PCAT7: variants seen among roughly 807,000 people sequenced by gnomAD.
PCAT7 encodes prostate cancer associated transcript 7 (non-protein coding).
chr9:94,571,240 A>G (rs967142257), intron 2 of PCAT7, among the ~76,000 whole-genome samples: 13 of 152,200 alleles, frequency 8.5e-5, no homozygotes, highest in Admixed American at 5.2e-4. Context: ...GAGTTGATGC[A>G]ACTGGCTCTG....
At chr9:94,559,616 TC>T (rs1827064365) in intron 2 of PCAT7, among the ~76,000 whole-genome samples, 1 of 152,072 alleles carries the variant, frequency 6.6e-6, no homozygotes, top group South Asian at 2.1e-4. Flanking sequence ...GTGGAGGAAC[TC>T]CACATCTTAA....
rs1342320471 is a variant in PCAT7 at position 94,564,752 on chromosome 9, A to C, written n.441+5600A>C. On this transcript the variant is annotated intron_variant and non_coding_transcript_variant, in intron 2 of 8. Coordinates refer to ENST00000647389, the Ensembl canonical transcript of PCAT7. Reference sequence around the variant, plus strand: ...GGGAGACAAACAATCTATACAGCAAACCCCCATGACAGGAGTTTACTTATA... The same window carrying C: ...GGGAGACAAACAATCTATACAGCAACCCCCCATGACAGGAGTTTACTTATA... 2.0e-5 allele frequency among the ~76,000 whole-genome samples: 3 copies of C among 152,002 alleles called. No individual in the cohort carries two copies. The East Asian group carries it at 5.8e-4, about 29-fold the overall frequency.
chr9:94,570,492 C>G (rs995976824), intron 2 of PCAT7: 5 of 152,076 alleles, frequency 3.3e-5, no homozygotes, highest in Admixed American at 1.3e-4. Context: ...TTTCATAGGA[C>G]AGGTACTTTA....
intron 2 of PCAT7, chr9:94,571,382 C>T: frequency 7.3e-7 from 1 of 1,376,120 alleles, no homozygotes; most frequent in Admixed American, 2.4e-5. Flanking sequence ...ATAACCAGGA[C>T]ATTATCGCAG....
chr9:94,571,407 G>C, intron 2 of PCAT7: 16 of 1,497,724 alleles, frequency 1.1e-5, no homozygotes, highest in Non-Finnish European at 1.4e-5. Context: ...CTGGCATTAA[G>C]GCACAGAGGC....
chr9:94,564,575 C>T (rs942798064), intron 2 of PCAT7, among the ~76,000 whole-genome samples: 1 of 152,064 alleles, frequency 6.6e-6, no homozygotes, highest in African/African-American at 2.4e-5. Flanking sequence ...AAACCAAATG[C>T]CACATGTTCT....
intron 1 of PCAT7, chr9:94,558,848 A>G: frequency 8.1e-7 from 1 of 1,231,404 alleles, no homozygotes. Context: ...CCTTTTGTAT[A>G]CTCATAGCTA....
intron 2 of PCAT7, among the ~76,000 whole-genome samples, chr9:94,566,585 A>G (rs1827193131): frequency 6.6e-6 from 1 of 152,162 alleles, no homozygotes; most frequent in Admixed American, 6.5e-5. Context: ...CTCAACTCTG[A>G]AGGCTGTGAT....
rs61755092 is a variant in PCAT7 at position 94,567,343 on chromosome 9, C to T, written n.442-5636C>T. 5.9e-3 allele frequency: 9,479 copies of T among 1,614,156 alleles called. 49 individuals are homozygous for T. The highest frequency in any genetic ancestry group is 0.018 in the Middle Eastern group (107 of 6,062). ...ATACTTGGCATAGCCCTCATTCAGGCTGTAAATCTTTCCTTTCTTCTTAAT... is the reference window on the plus strand; with the variant it reads ...ATACTTGGCATAGCCCTCATTCAGGTTGTAAATCTTTCCTTTCTTCTTAAT... On this transcript the variant is annotated intron_variant and non_coding_transcript_variant, in intron 2 of 8. Coordinates refer to ENST00000647389, the Ensembl canonical transcript of PCAT7.
chr9:94,565,368 CAAA>C (rs369180827), intron 2 of PCAT7, among the ~76,000 whole-genome samples: 4 of 46,568 alleles, frequency 8.6e-5, no homozygotes, highest in Non-Finnish European at 9.3e-5. Context: ...GACTCCACCT[CAAA>C]AAAAAAAAAA....
At chr9:94,560,557 T>G (rs1827082081) in intron 2 of PCAT7, among the ~76,000 whole-genome samples, 1 of 152,080 alleles carries the variant, frequency 6.6e-6, no homozygotes, top group Non-Finnish European at 1.5e-5. Flanking sequence ...CATTCTCCAT[T>G]ATCACCTTAC....
intron 2 of PCAT7, among the ~76,000 whole-genome samples, chr9:94,559,761 G>A (rs1827066578): frequency 6.6e-6 from 1 of 152,084 alleles, no homozygotes; most frequent in South Asian, 2.1e-4. Flanking sequence ...TCACACTGAG[G>A]CCTCTTTAAT....
intron 2 of PCAT7, among the ~76,000 whole-genome samples, chr9:94,560,779 T>C (rs1456923849): frequency 6.7e-6 from 1 of 148,400 alleles, no homozygotes; most frequent in Non-Finnish European, 1.5e-5. Context: ...TTATATATTT[T>C]TTCTATTGTA....
chr9:94,563,617 A>G (rs376049626), intron 2 of PCAT7, among the ~76,000 whole-genome samples: 1 of 152,194 alleles, frequency 6.6e-6, no homozygotes, highest in African/African-American at 2.4e-5. Context: ...ATAATTGTGC[A>G]TTTCATTTAT....
At chr9:94,558,873 C>T (rs747358248) in intron 1 of PCAT7, 33 of 1,449,168 alleles carry the variant, frequency 2.3e-5, no homozygotes, top group East Asian at 6.8e-5. Flanking sequence ...CTCTGTTTAT[C>T]GTTCATTTAG....
intron 2 of PCAT7, among the ~76,000 whole-genome samples, chr9:94,562,827 G>T (rs376271405): frequency 7.4e-4 from 113 of 152,248 alleles, no homozygotes; most frequent in African/African-American, 2.7e-3. Context: ...AGATATATTG[G>T]CTGAGTTCTG....
intron 2 of PCAT7, chr9:94,567,668 T>C: frequency 2.4e-6 from 1 of 414,114 alleles, no homozygotes; most frequent in Non-Finnish European, 4.3e-6. Flanking sequence ...GTCTTCTTTC[T>C]TTTCCTGTGC....
At position 94,562,168 on chromosome 9, in the gene PCAT7, A is replaced by G. The variant is rs564087528; in HGVS notation, n.441+3016A>G. Among the ~76,000 whole-genome samples the G allele has an allele frequency of 2.1e-4, 32 of 152,040 alleles. 1 individual carries two copies. The East Asian group carries it at 2.3e-3, about 11-fold the overall frequency. On this transcript the variant is annotated intron_variant and non_coding_transcript_variant, in intron 2 of 8. Coordinates refer to ENST00000647389, the Ensembl canonical transcript of PCAT7. Reference sequence around the variant, plus strand: ...CTACTAAAAATACAAAAAATTAGCCAGGCGTGGTGGCGGGCGCCTGTAGTC... The same window carrying G: ...CTACTAAAAATACAAAAAATTAGCCGGGCGTGGTGGCGGGCGCCTGTAGTC...
chr9:94,562,784 G>A (rs1827128319), intron 2 of PCAT7, among the ~76,000 whole-genome samples: 1 of 152,174 alleles, frequency 6.6e-6, no homozygotes. Context: ...GCATCATTAA[G>A]TTGCAATTAG....
Sources: allele counts gnomAD v4.1 joint callset (sites outside exome capture counted in the v4.1 genomes callset), GRCh38; gene constraint gnomAD v4.1.1; transcripts MANE v1.5; gene names NCBI Gene and HGNC (gene_info 2026-07-23, HGNC 2026-07-21).